Variants in THSD4 observed in about 807,000 individuals in gnomAD.
The protein encoded by THSD4 is thrombospondin type 1 domain containing 4.
A neutral mutation model predicts 119.0 loss-of-function variants in THSD4; 69 were observed. The observed-to-expected ratio is 0.58, with a 90% CI of 0.48 to 0.71. THSD4 has a LOEUF of 0.71. Among genes scored for constraint, THSD4 ranks in the 30% least tolerant of loss-of-function variants. THSD4 has a pLI of 0.00. For synonymous variants in THSD4, 524 were observed against 540.4 expected (o/e 0.97, Z 0.42); for missense variants, 1,393 against 1,391.1 (o/e 1.00, Z -0.02).
At chr15:71,102,146 T>G (rs919802213) in intron 1 of THSD4, among the ~76,000 whole-genome samples, 2 of 152,252 alleles carry the variant, frequency 1.3e-5, no homozygotes, top group African/African-American at 4.8e-5. Context: ...CTTTGATTGC[T>G]TTCAGGATAT....
intron 6 of THSD4, among the ~76,000 whole-genome samples, chr15:71,372,644 C>T (rs1371776268): frequency 2.6e-5 from 4 of 152,246 alleles, no homozygotes; most frequent in Non-Finnish European, 4.4e-5. Flanking sequence ...CTGGAAGCTT[C>T]GTCTCAGAGG....
At chr15:71,364,820 T>C (rs1190128189) in intron 6 of THSD4, among the ~76,000 whole-genome samples, 3 of 152,180 alleles carry the variant, frequency 2.0e-5, no homozygotes, top group Admixed American at 2.0e-4. Flanking sequence ...TCAAAGTAAA[T>C]GGGAAACAGT....
intron 7 of THSD4, among the ~76,000 whole-genome samples, chr15:71,442,644 A>ATGTGTGTGTGTG (rs1322209972): frequency 7.8e-5 from 3 of 38,432 alleles, no homozygotes; most frequent in African/African-American, 1.9e-4. Flanking sequence ...GTGTGTGTAT[A>ATGTGTGTGTGTG]TGTGTGTGTG....
intron 7 of THSD4, among the ~76,000 whole-genome samples, chr15:71,422,789 C>G (rs1425038396): frequency 6.6e-6 from 1 of 152,212 alleles, no homozygotes; most frequent in Non-Finnish European, 1.5e-5. Context: ...CAAATTCCTT[C>G]CAGCCCTGGG....
intron 3 of THSD4, among the ~76,000 whole-genome samples, chr15:71,175,134 G>A (rs1236890350): frequency 1.1e-5 from 1 of 95,022 alleles, no homozygotes; most frequent in Non-Finnish European, 2.3e-5. Flanking sequence ...AAAGCTGGAT[G>A]GAGAATGATT....
Position 71,280,318 on chromosome 15 carries a change from G to T in THSD4, c.1015+23603G>T, listed in dbSNP as rs577347039. On this transcript the variant is annotated intron_variant, in intron 6 of 17. Transcript: ENST00000261862. The stretch of plus-strand genomic sequence containing the variant: ...AACAGGAGGCTAAAGAAACTGGACT[G>T]CCTTTTATGGGCAGTGAGGAGTTAT... 2.0e-5 allele frequency among the ~76,000 whole-genome samples: 3 copies of T among 152,326 alleles called. No homozygotes were observed. In the South Asian group the frequency reaches 6.2e-4, roughly 32 times the overall value.
At chr15:71,397,156 G>T (rs912228263) in intron 6 of THSD4, among the ~76,000 whole-genome samples, 5 of 152,162 alleles carry the variant, frequency 3.3e-5, no homozygotes, top group Admixed American at 6.5e-5. Context: ...TCAGCGATGA[G>T]GAATGTCTCC....
upstream of THSD4, among the ~76,000 whole-genome samples, chr15:71,112,547 G>A (rs1216625151): frequency 2.0e-5 from 3 of 152,172 alleles, no homozygotes; most frequent in South Asian, 4.1e-4. Context: ...ATTTTATGAG[G>A]TAGTGAGTAG....
chr15:71,713,973 G>A (rs2052560986), intron 8 of THSD4, among the ~76,000 whole-genome samples: 1 of 152,112 alleles, frequency 6.6e-6, no homozygotes, highest in Non-Finnish European at 1.5e-5. Context: ...ATGTGGAGTA[G>A]AAGGTGAGCC....
intron 8 of THSD4, among the ~76,000 whole-genome samples, chr15:71,725,742 G>A (rs2052821492): frequency 6.6e-6 from 1 of 152,166 alleles, no homozygotes; most frequent in East Asian, 1.9e-4. Context: ...GCAGAAGCCA[G>A]ATTGGAGATG....
At chr15:71,571,662 G>C (rs2049361195) in intron 7 of THSD4, among the ~76,000 whole-genome samples, 1 of 152,180 alleles carries the variant, frequency 6.6e-6, no homozygotes, top group Non-Finnish European at 1.5e-5. Context: ...GCAGGAGATA[G>C]AGCAGCCAAA....
rs576492573 is a variant in THSD4 at position 71,392,533 on chromosome 15, TAG to T, written c.1016-19152_1016-19151del. On this transcript the variant is annotated intron_variant, in intron 6 of 17. Transcript: ENST00000261862. ...TCTCTTTTACTTGTATGCCTTTCAG[TAG>T]ATTCTCCAGTGTGCTAGGTAGTTTG... Among the ~76,000 whole-genome samples, 6 of 152,338 alleles carry T rather than the reference TAG, an allele frequency of 3.9e-5. No individual in the cohort carries two copies. The South Asian group carries it at 1.2e-3, about 32-fold the overall frequency.
intron 7 of THSD4, among the ~76,000 whole-genome samples, chr15:71,596,052 T>C (rs1212657433): frequency 6.6e-6 from 1 of 152,242 alleles, no homozygotes; most frequent in Non-Finnish European, 1.5e-5. Context: ...TTCAGTTTTG[T>C]TTGTTTTGAA....
intron 6 of THSD4, among the ~76,000 whole-genome samples, chr15:71,397,496 T>C (rs1321794590): frequency 6.6e-6 from 1 of 152,236 alleles, no homozygotes; most frequent in African/African-American, 2.4e-5. Flanking sequence ...TCTGTCTTAG[T>C]AATTTGCTTA....
intron 1 of THSD4, among the ~76,000 whole-genome samples, chr15:71,107,927 T>A (rs754177460): frequency 2.0e-4 from 31 of 152,176 alleles, no homozygotes; most frequent in Non-Finnish European, 2.2e-4. Context: ...AGTACCCAGA[T>A]GAAAACCAGC....
intron 4 of THSD4, among the ~76,000 whole-genome samples, chr15:71,238,923 G>A (rs2044129366): frequency 6.6e-6 from 1 of 152,092 alleles, no homozygotes; most frequent in South Asian, 2.1e-4. Flanking sequence ...AATGTATGAG[G>A]TTACCAATTT....
intron 8 of THSD4, among the ~76,000 whole-genome samples, chr15:71,673,848 C>A (rs959947816): frequency 6.6e-5 from 10 of 152,188 alleles, no homozygotes; most frequent in African/African-American, 2.4e-4. Flanking sequence ...GGTCCGCCTC[C>A]CAGGTTCACA....
chr15:71,129,055 G>C (rs902043262), intron 1 of THSD4, among the ~76,000 whole-genome samples: 2 of 152,114 alleles, frequency 1.3e-5, no homozygotes, highest in Admixed American at 6.5e-5. Context: ...CAAGAGACTG[G>C]GCCCAAGGCA....
chr15:71,202,968 C>T (rs529105155), intron 3 of THSD4, among the ~76,000 whole-genome samples: 1 of 152,280 alleles, frequency 6.6e-6, no homozygotes, highest in East Asian at 1.9e-4. Flanking sequence ...CTGGGGAGCT[C>T]ACATTGCTGG....
Sources: allele counts gnomAD v4.1 joint callset (sites outside exome capture counted in the v4.1 genomes callset), GRCh38; gene constraint gnomAD v4.1.1; transcripts MANE v1.5; gene names NCBI Gene and HGNC (gene_info 2026-07-23, HGNC 2026-07-21).